MYOF: variants seen among roughly 807,000 people sequenced by gnomAD.
The protein encoded by MYOF is fer-1-like 3, myoferlin.
MYOF carries 244 observed loss-of-function variants against 284.2 expected under a neutral mutation model. The observed-to-expected ratio is 0.86, with a 90% confidence interval of 0.77 to 0.95. The LOEUF (loss-of-function observed/expected upper bound fraction) is 0.95. MYOF is among the 40% of genes least tolerant of loss of function. The pLI is 0.00. For synonymous variants in MYOF, 904 were observed against 919.7 expected (o/e 0.98, Z 0.31); for missense variants, 2,496 against 2,560.6 (o/e 0.97, Z 0.54).
intron 6 of MYOF, 132 bp from the exon 7 acceptor site, chr10:93,409,047 C>T: frequency 7.3e-7 from 1 of 1,366,262 alleles, no homozygotes; most frequent in East Asian, 2.3e-5. Flanking sequence ...TGTGCTATAC[C>T]AGGTGCTACC....
In MYOF at chr10:93,387,908, T is replaced by C. The variant is rs1846470886; in HGVS notation, c.1587A>G (p.Glu529=). 6.2e-7 allele frequency: 1 copy of C among 1,612,620 alleles called. No individual in the cohort carries two copies. The highest frequency in any genetic ancestry group is 1.1e-5 in the South Asian group (1 of 91,058). The change falls in exon 19 of 54, where the codon GAA becomes GAG. Residue 529 remains glutamate (E), a synonymous_variant. Transcript: ENST00000359263. Reference sequence around the variant, plus strand: ...AGATCCTGCCTCTGTAGGCAACTCCTTCCCCCTGAAAGGCAATAATCCAGG... The same window carrying C: ...AGATCCTGCCTCTGTAGGCAACTCCCTCCCCCTGAAAGGCAATAATCCAGG... ...PYDELNTGKG[E]GVAYRGRILV...
chr10:93,364,198 C>T, intron 26 of MYOF, 123 bp from the exon 27 acceptor site: 1 of 712,640 alleles, frequency 1.4e-6, no homozygotes, highest in South Asian at 1.8e-5. Flanking sequence ...TCGCTTTACC[C>T]CTGTTGGTTC....
chr10:93,353,701 A>G (rs1844639787), intron 32 of MYOF, 110 bp downstream of exon 32: 2 of 862,244 alleles, frequency 2.3e-6, no homozygotes, highest in South Asian at 1.9e-5. Flanking sequence ...TAACCTCAAC[A>G]TGTAAAGGGT....
intron 48 of MYOF, among the ~76,000 whole-genome samples, chr10:93,320,931 C>T (rs1842817746): frequency 6.6e-6 from 1 of 152,122 alleles, no homozygotes; most frequent in Non-Finnish European, 1.5e-5. Flanking sequence ...CTCTCTGAGC[C>T]TCATCTCGCA....
chr10:93,382,338 A>C (rs1233725304), intron 19 of MYOF, among the ~76,000 whole-genome samples: 5 of 151,976 alleles, frequency 3.3e-5, no homozygotes, highest in African/African-American at 1.2e-4. Flanking sequence ...TCTTGGGCAC[A>C]AGTGACCCTC....
intron 5 of MYOF, among the ~76,000 whole-genome samples, chr10:93,418,545 CG>C (rs2134161924): frequency 6.6e-6 from 1 of 152,208 alleles, no homozygotes; most frequent in South Asian, 2.1e-4. Context: ...TGCAGTCCTG[CG>C]GGGCAATTGA....
At chr10:93,311,028 G>A (rs903810026) in intron 51 of MYOF, among the ~76,000 whole-genome samples, 1 of 152,164 alleles carries the variant, frequency 6.6e-6, no homozygotes, top group African/African-American at 2.4e-5. Flanking sequence ...CTCCCAGTAA[G>A]AGAACAGAGC....
chr10:93,468,062 G>A (rs2057052880), intron 1 of MYOF, among the ~76,000 whole-genome samples: 1 of 152,050 alleles, frequency 6.6e-6, no homozygotes, highest in South Asian at 2.1e-4. Context: ...CTCTTCTAAG[G>A]GCTTTGTAAA....
intron 5 of MYOF, among the ~76,000 whole-genome samples, chr10:93,414,572 C>T (rs1848040578): frequency 6.6e-6 from 1 of 152,146 alleles, no homozygotes; most frequent in African/African-American, 2.4e-5. Flanking sequence ...AAACTACAGT[C>T]ACTGAATTTA....
intron 10 of MYOF, 116 bp downstream of exon 10, chr10:93,402,744 A>T: frequency 1.1e-6 from 1 of 916,994 alleles, no homozygotes; most frequent in Admixed American, 2.8e-5. Context: ...TTTTTAAAAA[A>T]TTCCTTTAAC....
intron 17 of MYOF, among the ~76,000 whole-genome samples, chr10:93,392,281 A>G (rs1451314662): frequency 6.6e-6 from 1 of 151,986 alleles, no homozygotes; most frequent in Non-Finnish European, 1.5e-5. Flanking sequence ...ACCCTGGGAG[A>G]TTATTATGGC....
chr10:93,314,033 A>G (rs1009397120), intron 50 of MYOF, among the ~76,000 whole-genome samples: 20 of 152,242 alleles, frequency 1.3e-4, no homozygotes, highest in Admixed American at 4.6e-4. Context: ...CCAGGAACTG[A>G]GACTCCTAGC....
chr10:93,338,035 T>A, intron 39 of MYOF, 122 bp from the exon 40 acceptor site: 1 of 732,942 alleles, frequency 1.4e-6, no homozygotes, highest in Non-Finnish European at 2.3e-6. Context: ...AAAGTGAGAT[T>A]ATATGACTTT....
chr10:93,434,882 G>A (rs1198142009), intron 3 of MYOF, among the ~76,000 whole-genome samples: 1 of 151,890 alleles, frequency 6.6e-6, no homozygotes, highest in African/African-American at 2.4e-5. Context: ...ATCTCCACCA[G>A]ACAAAACAGA....
intron 1 of MYOF, among the ~76,000 whole-genome samples, chr10:93,476,572 C>T (rs1264174955): frequency 1.3e-5 from 2 of 151,878 alleles, no homozygotes; most frequent in African/African-American, 4.8e-5. Context: ...AAAAAAAAAT[C>T]AACTTTATAA....
chr10:93,470,338 G>A (rs1008796834), intron 1 of MYOF, among the ~76,000 whole-genome samples: 6 of 152,116 alleles, frequency 3.9e-5, no homozygotes, highest in African/African-American at 1.4e-4. Flanking sequence ...TTAACAGCCA[G>A]TAAACCATCA....
At chr10:93,307,034 CATGT>C (rs1454085807) in intron 53 of MYOF, 33 bp from the exon 54 acceptor site, 18 of 1,580,586 alleles carry the variant, frequency 1.1e-5, no homozygotes, top group African/African-American at 1.4e-5. Context: ...GGTAAAAAAA[CATGT>C]ATGTATATAT....
chr10:93,334,160 A>T (rs994964681), intron 41 of MYOF, among the ~76,000 whole-genome samples: 2 of 152,114 alleles, frequency 1.3e-5, no homozygotes, highest in African/African-American at 4.8e-5. Flanking sequence ...AGAGGAGAAC[A>T]TGGGCCAGTG....
chr10:93,355,527 C>T, intron 31 of MYOF, 101 bp downstream of exon 31: 1 of 879,980 alleles, frequency 1.1e-6, no homozygotes, highest in Non-Finnish European at 1.7e-6. Flanking sequence ...TTGCAGCGAG[C>T]CAAGATCGTA....
Sources: allele counts gnomAD v4.1 joint callset (sites outside exome capture counted in the v4.1 genomes callset), GRCh38; gene constraint gnomAD v4.1.1; transcripts MANE v1.5; gene names NCBI Gene and HGNC (gene_info 2026-07-23, HGNC 2026-07-21).